NCOA2: variants seen among roughly 807,000 people sequenced by gnomAD.
NCOA2 encodes nuclear receptor coactivator 2.
Under a neutral mutation model 145.1 loss-of-function variants are expected in NCOA2, and 21 were observed. That is an observed-to-expected ratio of 0.14 (90% CI 0.10 to 0.21). The LOEUF (loss-of-function observed/expected upper bound fraction) is 0.21, where lower values mean the gene tolerates loss of function less well. NCOA2 is among the 10% of genes least tolerant of loss of function. The pLI is 1.00. For missense variants in NCOA2, 1,472 were observed against 1,837.6 expected, an observed-to-expected ratio of 0.80 and a Z score of 3.64; for synonymous variants, 619 against 637.5, an observed-to-expected ratio of 0.97 and a Z score of 0.44.
intron 4 of NCOA2, among the ~76,000 whole-genome samples, chr8:70,196,347 G>T (rs1295743191): frequency 6.6e-6 from 1 of 152,202 alleles, no homozygotes; most frequent in East Asian, 1.9e-4. Context: ...TTGCACTCCA[G>T]CCTGGGCAAC....
chr8:70,362,473 A>G (rs1020116855), intron 1 of NCOA2, among the ~76,000 whole-genome samples: 5 of 151,822 alleles, frequency 3.3e-5, no homozygotes, highest in Non-Finnish European at 7.3e-5. Context: ...AATTAAAAAA[A>G]GGTTTTTTTA....
chr8:70,277,120 G>C (rs903871927), intron 2 of NCOA2, among the ~76,000 whole-genome samples: 8 of 151,782 alleles, frequency 5.3e-5, no homozygotes, highest in Non-Finnish European at 8.8e-5. Context: ...TTTTTCCCTC[G>C]GGTTCTTCAT....
At chr8:70,139,200 C>A (rs1479275936) in intron 14 of NCOA2, among the ~76,000 whole-genome samples, 5 of 152,162 alleles carry the variant, frequency 3.3e-5, no homozygotes, top group Non-Finnish European at 7.3e-5. Context: ...TATCTGTAGA[C>A]CTGTATTCCA....
chr8:70,424,810 G>A, the NCOA2 span, among the ~76,000 whole-genome samples: 1 of 152,208 alleles, frequency 6.6e-6, no homozygotes, highest in Non-Finnish European at 1.5e-5. Context: ...AATATTCATT[G>A]CTTACAAAGT....
intron 1 of NCOA2, among the ~76,000 whole-genome samples, chr8:70,309,500 AAGGGATATATAAAC>A (rs1828144481): frequency 6.6e-6 from 1 of 152,196 alleles, no homozygotes; most frequent in Admixed American, 6.5e-5. Flanking sequence ...ATTTATATAC[AAGGGATATATAAAC>A]AGGGATATAT....
the NCOA2 span, among the ~76,000 whole-genome samples, chr8:70,439,662 AT>A: frequency 0.26 from 39,368 of 152,076 alleles, 6,157 homozygotes; most frequent in African/African-American, 0.43. Flanking sequence ...TAGCAGAGGC[AT>A]TCCCAGGGTG....
intron 9 of NCOA2, among the ~76,000 whole-genome samples, chr8:70,160,271 G>A (rs1378812543): frequency 6.6e-6 from 1 of 151,986 alleles, no homozygotes; most frequent in Non-Finnish European, 1.5e-5. Flanking sequence ...GAGAAAAAAA[G>A]GCTAAACAAA....
chr8:70,320,619 A>G (rs746145004), intron 1 of NCOA2, among the ~76,000 whole-genome samples: 11 of 152,172 alleles, frequency 7.2e-5, no homozygotes, highest in Non-Finnish European at 1.5e-4. Flanking sequence ...CTTGCAAAAG[A>G]AATTTTACAT....
chr8:70,413,091 C>G, the NCOA2 span, among the ~76,000 whole-genome samples: 5 of 141,580 alleles, frequency 3.5e-5, no homozygotes, highest in Non-Finnish European at 6.0e-5. Flanking sequence ...GAGTGAGACT[C>G]CGTCTCAAAA....
chr8:70,171,129 T>C (rs964193190), intron 5 of NCOA2, among the ~76,000 whole-genome samples: 2 of 152,198 alleles, frequency 1.3e-5, no homozygotes, highest in African/African-American at 4.8e-5. Flanking sequence ...CTTCCGGTAA[T>C]GAGTTCACAG....
At chr8:70,349,455 TAACA>T (rs1377725207) in intron 1 of NCOA2, among the ~76,000 whole-genome samples, 2 of 152,032 alleles carry the variant, frequency 1.3e-5, no homozygotes, top group Non-Finnish European at 2.9e-5. Flanking sequence ...TGAGATCCCC[TAACA>T]AATAAAAAAA....
chr8:70,152,436 A>G (rs1221111654), intron 11 of NCOA2, among the ~76,000 whole-genome samples: 1 of 152,240 alleles, frequency 6.6e-6, no homozygotes, highest in East Asian at 1.9e-4. Flanking sequence ...ATGGTAATAC[A>G]ATTCTACCAC....
rs1227267950 is a variant in NCOA2, at chr8:70,112,386, C to T, written c.*1246G>A. On this transcript the variant is annotated 3_prime_UTR_variant, in exon 23 of 23. Transcript: ENST00000452400. ...CATAAGTTCTCAACTTAAATTATTGCTTGTTTACATATAAATTGGATTTTA... is the reference window on the plus strand; with the variant it reads ...CATAAGTTCTCAACTTAAATTATTGTTTGTTTACATATAAATTGGATTTTA... 1 of 192,734 alleles carries T rather than the reference C, an allele frequency of 5.2e-6. No individual in the cohort carries two copies. The highest frequency in any genetic ancestry group is 1.1e-5 in the Non-Finnish European group (1 of 92,110). The allele number at this position is 192,734 out of a possible 1,614,324, so 11.9% of individuals were successfully genotyped here.
Position 70,199,502 on chromosome 8 carries a change from C to T in NCOA2, c.259+14401G>A, listed in dbSNP as rs547059286. On this transcript the variant is annotated intron_variant, in intron 4 of 22. Transcript: ENST00000452400. ...GAGGGATGGTCAACAGAGACAGCTA[C>T]CAGAGAAGCTAGGCAGGCAGATGGG... is the stretch of plus-strand genomic sequence containing the variant. Among the ~76,000 whole-genome samples, 22 of 150,530 alleles carry T rather than the reference C, an allele frequency of 1.5e-4. No homozygotes were observed. In the East Asian group the frequency reaches 3.9e-3, roughly 27 times the overall value.
At chr8:70,410,751 G>A in the NCOA2 span, among the ~76,000 whole-genome samples, 1 of 152,222 alleles carries the variant, frequency 6.6e-6, no homozygotes, top group Non-Finnish European at 1.5e-5. Flanking sequence ...ACTGAAATAT[G>A]CAATAACATG....
chr8:70,192,152 T>C (rs1413128678), intron 4 of NCOA2, among the ~76,000 whole-genome samples: 2 of 152,240 alleles, frequency 1.3e-5, no homozygotes, highest in South Asian at 4.1e-4. Flanking sequence ...ATTGTATCTG[T>C]ACGTGGAATA....
At chr8:70,262,294 T>C (rs550647116) in intron 2 of NCOA2, among the ~76,000 whole-genome samples, 1 of 152,328 alleles carries the variant, frequency 6.6e-6, no homozygotes, top group African/African-American at 2.4e-5. Flanking sequence ...CTTGGTTCTT[T>C]TAACTGTTAT....
chr8:70,214,024 T>C lies in NCOA2; in HGVS notation c.138A>G (p.Ile46Met), dbSNP rs1443622341. 4.3e-6 allele frequency: 7 copies of C among 1,611,098 alleles called. No homozygotes were observed. The highest frequency in any genetic ancestry group is 5.9e-6 in the Non-Finnish European group (7 of 1,179,304). The change falls in exon 4 of 23, where the codon ATA becomes ATG. Residue 46 changes from isoleucine (I) to methionine (M), a missense_variant. Ile to Met is a conservative substitution (Grantham distance 10). Transcript: ENST00000452400. ...CAAAAATCAACTCTGCAAGTTCTTCTATATATTTATTTTCCTGTTCACGAT... is the reference window on the plus strand; with the variant it reads ...CAAAAATCAACTCTGCAAGTTCTTCCATATATTTATTTTCCTGTTCACGAT... ...KRNREQENKY[I>M]EELAELIFAN... is the part of the protein sequence containing the mutation.
At chr8:70,315,933 C>A (rs1376564058) in intron 1 of NCOA2, among the ~76,000 whole-genome samples, 1 of 152,150 alleles carries the variant, frequency 6.6e-6, no homozygotes, top group African/African-American at 2.4e-5. Context: ...TGAAACACTG[C>A]CCTGCTGGGG....
Sources: gnomAD v4.1 joint callset for allele counts (sites outside exome capture counted in the v4.1 genomes callset) on GRCh38, gnomAD v4.1.1 for gene constraint, MANE v1.5 for transcripts, NCBI Gene and HGNC (gene_info 2026-07-23, HGNC 2026-07-21) for gene names.